The following NPRL3 variants were observed in gnomAD, a reference collection of about 807,000 sequenced individuals.
NPRL3 encodes NPR3 like, GATOR1 complex subunit.
NPRL3 carries 23 observed loss-of-function variants against 57.2 expected under a neutral mutation model. The ratio of observed to expected loss-of-function variants is 0.40; its 90% confidence interval spans 0.29 to 0.57. The LOEUF is 0.57. NPRL3 is among the 20% of genes least tolerant of loss of function. The probability of loss-of-function intolerance (pLI) is 0.42; values close to 1 mark genes in which losing one functional copy is unlikely to be tolerated. For missense variants in NPRL3, 691 were observed against 767.1 expected (o/e 0.90, Z 1.17); for synonymous variants, 333 against 321.1 (o/e 1.04, Z -0.39).
chr16:136,325 G>T (rs1323198434), intron 2 of NPRL3, among the ~76,000 whole-genome samples: 1 of 152,254 alleles, frequency 6.6e-6, no homozygotes, highest in East Asian at 1.9e-4. Context: ...CAAAGATGCA[G>T]ACATGAAGTG....
intron 3 of NPRL3, among the ~76,000 whole-genome samples, chr16:122,241 C>T (rs1015523364): frequency 1.3e-5 from 2 of 152,020 alleles, no homozygotes; most frequent in South Asian, 2.1e-4. Context: ...GGATTACAGG[C>T]GCGTGCCACC....
intron 9 of NPRL3, among the ~76,000 whole-genome samples, chr16:95,374 C>T (rs1898960734): frequency 2.1e-5 from 3 of 142,672 alleles, no homozygotes; most frequent in Non-Finnish European, 4.6e-5. Flanking sequence ...CACACACACA[C>T]ACACACACAC....
chr16:125,009 G>A (rs1900452436), intron 3 of NPRL3: 1 of 164,358 alleles, frequency 6.1e-6, no homozygotes, highest in African/African-American at 2.5e-5. Context: ...CCCTAGAGGT[G>A]AGGTTGCAGC....
intron 3 of NPRL3, among the ~76,000 whole-genome samples, chr16:122,467 G>C (rs926417894): frequency 5.3e-5 from 8 of 152,194 alleles, no homozygotes; most frequent in African/African-American, 1.9e-4. Flanking sequence ...CATGAGATTG[G>C]GGGTGGGGCA....
chr16:130,458 T>C, intron 3 of NPRL3, 64 bp downstream of exon 3: 1 of 1,464,040 alleles, frequency 6.8e-7, no homozygotes, highest in Non-Finnish European at 9.3e-7. Flanking sequence ...AATAGGAGGG[T>C]GGGGCTTTGC....
rs141868037 is a variant in NPRL3 at position 108,190 on chromosome 16, C to T, written c.629+2335G>A. On this transcript the variant is annotated intron_variant, in intron 7 of 13. Transcript: ENST00000611875. ...TATATCACAAAAGACAAATCACTCT[C>T]CCATGTTTAAGGACTTATATCTCCC... Among the ~76,000 whole-genome samples the T allele has an allele frequency of 1.2e-4, 18 of 152,300 alleles. No individual in the cohort carries two copies. The East Asian group carries it at 3.5e-3, about 29-fold the overall frequency.
At chr16:134,389 T>A (rs1015436408) in intron 2 of NPRL3, among the ~76,000 whole-genome samples, 2 of 151,808 alleles carry the variant, frequency 1.3e-5, no homozygotes, top group African/African-American at 4.8e-5. Flanking sequence ...TAGTGATGAA[T>A]CTAAGAAGAG....
At chr16:104,679 C>T (rs1899453868) in intron 7 of NPRL3, among the ~76,000 whole-genome samples, 1 of 152,226 alleles carries the variant, frequency 6.6e-6, no homozygotes, top group Non-Finnish European at 1.5e-5. Context: ...GCTGCTTTCT[C>T]CCTCAGAGCA....
intron 2 of NPRL3, among the ~76,000 whole-genome samples, chr16:133,934 G>A (rs559784861): frequency 6.6e-6 from 1 of 152,262 alleles, no homozygotes; most frequent in East Asian, 1.9e-4. Context: ...ACAGATGGGC[G>A]AACAGCCAGA....
chr16:138,174 G>C lies in NPRL3; in HGVS notation c.94C>G (p.Gln32Glu). The change falls in exon 2 of 14, where the codon CAG (glutamine) becomes GAG (glutamate). Residue 32 changes from glutamine (Q) to glutamate (E), a missense_variant. Transcript: ENST00000611875. Reference protein sequence around the residue: ...LLFRYPFQRSQEHPASQTSKP... With the variant: ...LLFRYPFQRSEEHPASQTSKP... ...CTTGTCTGGGACGCCGGGTGCTCCTGGCTTCTCTGGAAGGGGTACCTGAAC... is the reference window on the plus strand; with the variant it reads ...CTTGTCTGGGACGCCGGGTGCTCCTCGCTTCTCTGGAAGGGGTACCTGAAC... 6.2e-7 allele frequency: 1 copy of C among 1,607,620 alleles called. No individual in the cohort carries two copies. Among genetic ancestry groups the C allele is most frequent in the South Asian group, 1.1e-5 (1 of 89,522 alleles).
chr16:89,814 C>T lies in NPRL3; in HGVS notation c.1250G>A (p.Ser417Asn). 6.3e-7 allele frequency: 1 copy of T among 1,592,654 alleles called. No individual in the cohort carries two copies. Among genetic ancestry groups the T allele is most frequent in the Non-Finnish European group, 8.5e-7 (1 of 1,171,002 alleles). ...CTCTCGCGGACGGGGCTCCTCCTCG[C>T]TGGGTGAGGCCATCAGGCAGACATA... ...HTYVCLMASP[S>N]EEEPRPREDD... The change falls in exon 12 of 14, where the codon AGC becomes AAC. Residue 417 changes from serine (S) to asparagine (N), a missense_variant. Coordinates refer to ENST00000611875, the MANE Select transcript of NPRL3 (RefSeq NM_001077350.3).
chr16:134,694 ATTTT>A, intron 2 of NPRL3, among the ~76,000 whole-genome samples: 1 of 103,428 alleles, frequency 9.7e-6, no homozygotes, highest in Middle Eastern at 6.0e-3. Context: ...AATTATTATT[ATTTT>A]TTTTTTTTTT....
intron 11 of NPRL3, among the ~76,000 whole-genome samples, chr16:91,511 A>G (rs1259777722): frequency 1.3e-5 from 2 of 152,160 alleles, no homozygotes; most frequent in African/African-American, 4.8e-5. Context: ...CGTTATCTAG[A>G]CCACAGGAGG....
intron 3 of NPRL3, among the ~76,000 whole-genome samples, chr16:127,804 G>A (rs1054539227): frequency 1.1e-4 from 17 of 151,388 alleles, no homozygotes; most frequent in African/African-American, 3.6e-4. Context: ...ACAGGCGCCC[G>A]CCACCATGCC....
At position 89,902 on chromosome 16, in the gene NPRL3, T is replaced by A. The variant is rs777576598; in HGVS notation, c.1162A>T (p.Thr388Ser). The A allele has an allele frequency of 2.6e-6, 4 of 1,545,922 alleles. No homozygotes were observed. The South Asian group carries it at 4.8e-5, about 19-fold the overall frequency. ...CACACCACCATCTGGATGAGCTGGG[T>A]CTGCGGGTGGCAGCAGGTGAGGCTG... ...RNPLAPAVQE[T>S]QLIQMVVWML... The change falls in exon 12 of 14, where the codon ACC becomes TCC. Residue 388 changes from threonine (T) to serine (S), a missense_variant and splice_region_variant. Coordinates refer to ENST00000611875, the MANE Select transcript of NPRL3 (RefSeq NM_001077350.3).
chr16:132,444 C>T (rs1015263248), intron 2 of NPRL3, among the ~76,000 whole-genome samples: 1 of 152,204 alleles, frequency 6.6e-6, no homozygotes, highest in African/African-American at 2.4e-5. Flanking sequence ...ACCATATCTG[C>T]AGTTACTTCC....
intron 3 of NPRL3, among the ~76,000 whole-genome samples, chr16:127,398 C>G (rs949643954): frequency 6.6e-6 from 1 of 152,006 alleles, no homozygotes; most frequent in Non-Finnish European, 1.5e-5. Context: ...ACCAACCCAG[C>G]TAATTTTTGT....
rs541479170 is a variant in NPRL3 at position 116,233 on chromosome 16, C to T, written c.393+1068G>A. 2.6e-5 allele frequency among the ~76,000 whole-genome samples: 4 copies of T among 152,238 alleles called. No individual in the cohort carries two copies. In the East Asian group the frequency reaches 5.8e-4, roughly 22 times the overall value. On this transcript the variant is annotated intron_variant, in intron 5 of 13. Transcript: ENST00000611875. ...AGCATCCTGGGTGGGGCTGTGGCTG[C>T]GTTTCATCAACTGTCCCACAGGGGT...
chr16:116,792 C>CCA (rs1900053585), intron 5 of NPRL3, among the ~76,000 whole-genome samples: 2 of 142,716 alleles, frequency 1.4e-5, no homozygotes, highest in African/African-American at 5.2e-5. Context: ...GCGAGACCCC[C>CCA]CCCCCCCACC....
Sources: allele counts gnomAD v4.1 joint callset (sites outside exome capture counted in the v4.1 genomes callset), GRCh38; gene constraint gnomAD v4.1.1; transcripts MANE v1.5; gene names NCBI Gene and HGNC (gene_info 2026-07-23, HGNC 2026-07-21).